The following UPP2 variants were observed in gnomAD, a reference collection of about 807,000 sequenced individuals.
UPP2 encodes uridine phosphorylase 2, also known as UPase 2.
UPP2 carries 23 observed loss-of-function variants against 26.7 expected under a neutral mutation model. The ratio of observed to expected loss-of-function variants is 0.86; its 90% confidence interval spans 0.62 to 1.22. The LOEUF is 1.22. Among genes scored for constraint, UPP2 ranks in the 50% most tolerant of loss-of-function variants. The pLI is 0.00. For missense variants in UPP2, 387 were observed against 396.7 expected (o/e 0.98, Z 0.21); for synonymous variants, 127 against 141.3 (o/e 0.90, Z 0.72).
chr2:158,068,658 CA>C (rs1682476387), intron 3 of UPP2, among the ~76,000 whole-genome samples: 1 of 149,854 alleles, frequency 6.7e-6, no homozygotes, highest in African/African-American at 2.5e-5. Flanking sequence ...TGTGTGGGCC[CA>C]GCATATATTT....
chr2:158,131,280 T>C (rs1683813538), intron 6 of UPP2, among the ~76,000 whole-genome samples: 1 of 152,182 alleles, frequency 6.6e-6, no homozygotes, highest in Non-Finnish European at 1.5e-5. Flanking sequence ...ACTTCTGCTG[T>C]GCAATGGGCA....
rs200362150 is a variant in UPP2 at position 158,129,287 on chromosome 2, G to A, written c.811+5392G>A. Among the ~76,000 whole-genome samples, 45 of 152,120 alleles carry A rather than the reference G, an allele frequency of 3.0e-4. No homozygotes were observed. The East Asian group carries it at 6.2e-3, about 21-fold the overall frequency. ...TCCAGTAAGTACACAAGGCTCCATC[G>A]TCTACCTATCCTGTAGCATCTCTGG... is the stretch of plus-strand genomic sequence containing the variant. On this transcript the variant is annotated intron_variant, in intron 6 of 6. Coordinates refer to ENST00000005756, the MANE Select transcript of UPP2 (RefSeq NM_173355.4).
intron 6 of UPP2, among the ~76,000 whole-genome samples, chr2:158,132,297 C>T (rs567170416): frequency 3.9e-5 from 6 of 152,282 alleles, no homozygotes; most frequent in African/African-American, 1.2e-4. Context: ...TCAGTATAAC[C>T]GATAGGGCAG....
chr2:158,101,043 G>A (rs1460292339), upstream of UPP2, among the ~76,000 whole-genome samples: 1 of 152,170 alleles, frequency 6.6e-6, no homozygotes, highest in Admixed American at 6.5e-5. Flanking sequence ...AAGCATATTA[G>A]GAGGTGTCTT....
chr2:158,124,114 T>C (rs1205013711), intron 6 of UPP2, among the ~76,000 whole-genome samples: 3 of 152,200 alleles, frequency 2.0e-5, no homozygotes, highest in African/African-American at 7.2e-5. Flanking sequence ...GTTCAACAGC[T>C]AATTGGTGAC....
At chr2:158,015,640 C>T (rs932246926) in intron 2 of UPP2, among the ~76,000 whole-genome samples, 6 of 152,284 alleles carry the variant, frequency 3.9e-5, no homozygotes, top group Middle Eastern at 6.8e-3. Flanking sequence ...GTAATCTCCA[C>T]GTGTCAGGGG....
chr2:158,050,135 A>G (rs1273817462), intron 3 of UPP2, among the ~76,000 whole-genome samples: 1 of 152,262 alleles, frequency 6.6e-6, no homozygotes, highest in African/African-American at 2.4e-5. Context: ...TTCCTGATAC[A>G]GAAATTTAGC....
At chr2:158,055,443 T>C (rs1682231922) in intron 3 of UPP2, among the ~76,000 whole-genome samples, 1 of 152,340 alleles carries the variant, frequency 6.6e-6, no homozygotes, top group Admixed American at 6.5e-5. Context: ...ATTCAAATCA[T>C]AGCAGGTACC....
chr2:158,132,163 C>G (rs1362206266), intron 6 of UPP2, among the ~76,000 whole-genome samples: 1 of 152,226 alleles, frequency 6.6e-6, no homozygotes, highest in Non-Finnish European at 1.5e-5. Flanking sequence ...AGCCAAGTTG[C>G]TTTACAACTG....
chr2:158,018,461 C>T lies in UPP2; in HGVS notation c.147+2575C>T, dbSNP rs142116264. ...GTTCCTCCCTTCTCTTCTCTCTCTC[C>T]TCCTCCCTTTTCTCTCAGCTCCCAT... On this transcript the variant is annotated intron_variant, in intron 3 of 9. Transcript: ENST00000605860. 2.0e-5 allele frequency among the ~76,000 whole-genome samples: 3 copies of T among 152,324 alleles called. No homozygotes were observed. In the East Asian group the frequency reaches 5.8e-4, roughly 29 times the overall value.
chr2:158,090,519 C>CA (rs1166493226), intron 3 of UPP2, among the ~76,000 whole-genome samples: 1 of 150,092 alleles, frequency 6.7e-6, no homozygotes, highest in Non-Finnish European at 1.5e-5. Flanking sequence ...CCAAAAAACC[C>CA]AAAAAACAAA....
intron 3 of UPP2, among the ~76,000 whole-genome samples, chr2:158,026,957 G>A (rs1242426807): frequency 2.0e-5 from 3 of 152,076 alleles, no homozygotes; most frequent in Non-Finnish European, 4.4e-5. Flanking sequence ...TCGCTACTAC[G>A]AGAACAGTAT....
At chr2:158,050,977 C>T (rs1342448023) in intron 3 of UPP2, among the ~76,000 whole-genome samples, 1 of 152,072 alleles carries the variant, frequency 6.6e-6, no homozygotes, top group Non-Finnish European at 1.5e-5. Flanking sequence ...CACCATTCTC[C>T]ATGATGTGAC....
chr2:158,119,540 A>G (rs1332958297), intron 4 of UPP2, among the ~76,000 whole-genome samples: 1 of 152,100 alleles, frequency 6.6e-6, no homozygotes, highest in Admixed American at 6.5e-5. Flanking sequence ...TAAACTACTC[A>G]GTTAAATAGT....
intron 3 of UPP2, among the ~76,000 whole-genome samples, chr2:158,018,148 C>T (rs1683690027): frequency 6.6e-6 from 1 of 152,180 alleles, no homozygotes; most frequent in Non-Finnish European, 1.5e-5. Flanking sequence ...TAAACAGCCT[C>T]TCGTATGTGG....
intron 2 of UPP2, among the ~76,000 whole-genome samples, chr2:158,013,827 G>C (rs1234221511): frequency 1.3e-5 from 2 of 152,196 alleles, no homozygotes; most frequent in Admixed American, 6.5e-5. Flanking sequence ...AGCTTTGTGC[G>C]GCTTGCTTGT....
At chr2:158,096,531 G>A (rs370732602) in intron 3 of UPP2, among the ~76,000 whole-genome samples, 6 of 152,118 alleles carry the variant, frequency 3.9e-5, no homozygotes, top group Non-Finnish European at 5.9e-5. Flanking sequence ...CCTGGGAAGC[G>A]GAGGTTGCGG....
At chr2:158,040,636 A>C (rs1684070599) in intron 3 of UPP2, among the ~76,000 whole-genome samples, 1 of 152,222 alleles carries the variant, frequency 6.6e-6, no homozygotes, top group African/African-American at 2.4e-5. Flanking sequence ...ATCTAAAATG[A>C]ATTAAACATA....
chr2:158,065,733 A>G (rs1346816891), intron 3 of UPP2: 2 of 670,622 alleles, frequency 3.0e-6, no homozygotes, highest in Admixed American at 2.1e-5. Flanking sequence ...GAAAGAAGGT[A>G]CCCATGTTCT....
Sources: allele counts gnomAD v4.1 joint callset (sites outside exome capture counted in the v4.1 genomes callset), GRCh38; gene constraint gnomAD v4.1.1; transcripts MANE v1.5; gene names NCBI Gene and HGNC (gene_info 2026-07-23, HGNC 2026-07-21).